XIRP2: variants seen among roughly 807,000 people sequenced by gnomAD.
XIRP2 encodes xin actin-binding repeat-containing protein 2.
In XIRP2, 236 loss-of-function variants were observed where a neutral mutation model predicts 277.0. The ratio of observed to expected loss-of-function variants is 0.85; its 90% confidence interval spans 0.77 to 0.95. XIRP2 has a LOEUF of 0.95. XIRP2 is among the 40% of genes least tolerant of loss of function. The probability of loss-of-function intolerance (pLI) is 0.00; values close to 1 mark genes in which losing one functional copy is unlikely to be tolerated. For synonymous variants in XIRP2, 1,490 were observed against 1,416.5 expected, an observed-to-expected ratio of 1.05 and a Z score of -1.17; for missense variants, 4,640 against 4,157.5, an observed-to-expected ratio of 1.12 and a Z score of -3.19.
intron 3 of XIRP2, among the ~76,000 whole-genome samples, chr2:167,177,978 G>A (rs1489328626): frequency 1.3e-5 from 2 of 150,234 alleles, no homozygotes; most frequent in Non-Finnish European, 3.0e-5. Context: ...TGACCGTTAA[G>A]ATTTATAAGA....
chr2:166,954,853 G>A (rs1260930189), intron 2 of XIRP2, among the ~76,000 whole-genome samples: 1 of 151,874 alleles, frequency 6.6e-6, no homozygotes, highest in Non-Finnish European at 1.5e-5. Context: ...TTATAAGTAG[G>A]AGTTGAACAA....
chr2:167,045,345 A>G (rs1688760828), intron 2 of XIRP2, among the ~76,000 whole-genome samples: 1 of 152,146 alleles, frequency 6.6e-6, no homozygotes, highest in Admixed American at 6.6e-5. Flanking sequence ...TGGCCTAAGC[A>G]AACATTTTAT....
At chr2:166,913,240 C>T (rs564783739) in intron 2 of XIRP2, among the ~76,000 whole-genome samples, 8 of 151,972 alleles carry the variant, frequency 5.3e-5, no homozygotes, top group Non-Finnish European at 1.0e-4. Flanking sequence ...CCTTGAGCTG[C>T]GGTGGGCTCC....
chr2:166,940,873 T>C (rs547744277), intron 2 of XIRP2, among the ~76,000 whole-genome samples: 1 of 152,196 alleles, frequency 6.6e-6, no homozygotes, highest in Non-Finnish European at 1.5e-5. Flanking sequence ...GGTGCCTCCC[T>C]GTTAGGCTAC....
At chr2:167,082,772 C>T (rs200359700) in intron 2 of XIRP2, among the ~76,000 whole-genome samples, 11,127 of 152,150 alleles carry the variant, frequency 0.073, 480 homozygotes, top group South Asian at 0.17. Context: ...TGTCCTTCAC[C>T]CACTTTTTGA....
At position 167,245,614 on chromosome 2, in the gene XIRP2, C is replaced by G. The variant is rs757742625; in HGVS notation, c.4222C>G (p.Pro1408Ala). 6.2e-7 allele frequency: 1 copy of G among 1,613,552 alleles called. No homozygotes were observed. The highest frequency in any genetic ancestry group is 8.5e-7 in the Non-Finnish European group (1 of 1,179,700). The change falls in exon 9 of 11, where the codon CCC becomes GCC. Residue 1408 changes from proline (P) to alanine (A), a missense_variant. By Grantham distance (27) the Pro-to-Ala change is conservative. Transcript: ENST00000409195. ...QISEESHNIMPSIDHIQGGNV... is the reference protein window; with the variant it reads ...QISEESHNIMASIDHIQGGNV... ...TTCTGAAGAATCACATAATATTATG[C>G]CCAGTATTGACCATATACAAGGTGG...
chr2:167,084,445 G>A (rs966630295), intron 2 of XIRP2, among the ~76,000 whole-genome samples: 7 of 151,242 alleles, frequency 4.6e-5, no homozygotes, highest in Admixed American at 4.6e-4. Flanking sequence ...TCAGGATGAT[G>A]CTGGCCTCAT....
chr2:167,179,770 G>A (rs1692959573), intron 3 of XIRP2, among the ~76,000 whole-genome samples: 1 of 151,918 alleles, frequency 6.6e-6, no homozygotes, highest in South Asian at 2.1e-4. Context: ...CTCTAACGTA[G>A]CTGGGACTAT....
intron 2 of XIRP2, among the ~76,000 whole-genome samples, chr2:166,930,718 A>G (rs1685312836): frequency 6.6e-6 from 1 of 152,196 alleles, no homozygotes; most frequent in Non-Finnish European, 1.5e-5. Context: ...CTGTATCTCT[A>G]AAATGAGGAG....
intron 2 of XIRP2, among the ~76,000 whole-genome samples, chr2:166,907,830 G>C (rs1280102288): frequency 7.5e-6 from 1 of 133,564 alleles, no homozygotes; most frequent in Admixed American, 9.5e-5. Flanking sequence ...TGTTCTCATT[G>C]TTCAATTCCC....
intron 2 of XIRP2, among the ~76,000 whole-genome samples, chr2:167,079,010 C>G (rs1689656737): frequency 6.6e-6 from 1 of 152,080 alleles, no homozygotes. Flanking sequence ...ATACATGGCT[C>G]TGATTATTTT....
chr2:167,123,504 TTTTG>T (rs1183493604), intron 2 of XIRP2, among the ~76,000 whole-genome samples: 2 of 89,226 alleles, frequency 2.2e-5, no homozygotes, highest in African/African-American at 1.8e-4. Context: ...AAAAACTTTT[TTTTG>T]TTTTGTTTTG....
rs942555803 is a variant in XIRP2, at chr2:167,249,394, C to G, written c.8002C>G (p.Gln2668Glu). 1 of 1,613,692 alleles carries G rather than the reference C, an allele frequency of 6.2e-7. No homozygotes were observed. Among genetic ancestry groups the G allele is most frequent in the Admixed American group, 1.7e-5 (1 of 59,954 alleles). The change falls in exon 9 of 11, where the codon CAA becomes GAA. Residue 2668 changes from glutamine to glutamate, a missense_variant. By Grantham distance (29) the Gln-to-Glu change is conservative. Transcript: ENST00000409195. ...TTTACAAAGCTCAAGGGACATTATGCAATCCAAATCAGCTTGCGAAATTAA... is the reference window on the plus strand; with the variant it reads ...TTTACAAAGCTCAAGGGACATTATGGAATCCAAATCAGCTTGCGAAATTAA... ...EVLQSSRDIM[Q>E]SKSACEIKQS... is the part of the protein sequence containing the mutation.
At chr2:167,016,835 G>C (rs1687840078) in intron 2 of XIRP2, among the ~76,000 whole-genome samples, 1 of 151,980 alleles carries the variant, frequency 6.6e-6, no homozygotes, top group African/African-American at 2.4e-5. Flanking sequence ...CTGATGGAGA[G>C]TTATTAAGAC....
chr2:167,057,668 C>T (rs1558964342), intron 2 of XIRP2, among the ~76,000 whole-genome samples: 1 of 152,172 alleles, frequency 6.6e-6, no homozygotes, highest in Non-Finnish European at 1.5e-5. Context: ...AGTTTACAAT[C>T]ACTTGGGCTT....
chr2:166,949,444 G>A (rs938557224), intron 2 of XIRP2, among the ~76,000 whole-genome samples: 1 of 152,156 alleles, frequency 6.6e-6, no homozygotes, highest in East Asian at 1.9e-4. Context: ...TTGATAATTC[G>A]AGGTTGACTT....
intron 2 of XIRP2, among the ~76,000 whole-genome samples, chr2:167,106,933 G>A (rs1030625973): frequency 2.7e-5 from 4 of 150,862 alleles, no homozygotes; most frequent in African/African-American, 9.7e-5. Flanking sequence ...AATAATAAAT[G>A]ATATTGTATT....
At chr2:167,079,867 T>C (rs576021522) in intron 2 of XIRP2, among the ~76,000 whole-genome samples, 1 of 152,254 alleles carries the variant, frequency 6.6e-6, no homozygotes, top group South Asian at 2.1e-4. Flanking sequence ...ATATCTTTTC[T>C]TCTGCTAGCT....
At chr2:166,925,410 G>A (rs971235148) in intron 2 of XIRP2, among the ~76,000 whole-genome samples, 17 of 151,596 alleles carry the variant, frequency 1.1e-4, no homozygotes, top group Admixed American at 1.3e-4. Context: ...CACCAGGTTT[G>A]TATTGCTTTT....
Sources: allele counts gnomAD v4.1 joint callset (sites outside exome capture counted in the v4.1 genomes callset), GRCh38; gene constraint gnomAD v4.1.1; transcripts MANE v1.5; gene names NCBI Gene and HGNC (gene_info 2026-07-23, HGNC 2026-07-21).